The following SLC19A1 variants were observed in gnomAD, a reference collection of about 807,000 sequenced individuals.
The protein encoded by SLC19A1 is reduced folate transporter.
SLC19A1 carries 37 observed loss-of-function variants against 35.3 expected under a neutral mutation model. The ratio of observed to expected loss-of-function variants is 1.05; its 90% CI spans 0.81 to 1.38. The LOEUF (loss-of-function observed/expected upper bound fraction) is 1.38, where lower values mean the gene tolerates loss of function less well. Ranked by LOEUF, SLC19A1 falls within the 40% of genes most tolerant of loss-of-function variation. The pLI, the probability that SLC19A1 is intolerant of heterozygous loss-of-function variation, is 0.00. For missense variants in SLC19A1, 831 were observed against 826.9 expected (o/e 1.00, Z -0.06); for synonymous variants, 460 against 398.5 (o/e 1.15, Z -1.84).
chr21:45,555,224 CGGGGG>C (rs1194424128), intron 1 of SLC19A1, among the ~76,000 whole-genome samples: 3 of 5,754 alleles, frequency 5.2e-4, no homozygotes, highest in East Asian at 8.3e-3. Flanking sequence ...TGGGGGGCGC[CGGGGG>C]GCGGCGCAGG....
At position 45,506,286 on chromosome 21, in the gene SLC19A1, G is replaced by C. The variant is rs577107035; in HGVS notation, c.498-7674C>G. ...CCGATAATAAGACAAGGCGCCTGAC[G>C]GGACGAGGCGGCAGGGGGGCTCAGG... On this transcript the variant is annotated intron_variant, in intron 3 of 4. Transcript: ENST00000417954. The C allele has an allele frequency of 1.3e-5, 5 of 384,218 alleles. No homozygotes were observed. The East Asian group carries it at 2.5e-4, about 19-fold the overall frequency. 23.8% of individuals were successfully genotyped at this position (384,218 alleles called of 1,614,324 possible). A position where few individuals can be genotyped will look rare whatever the true frequency, so the allele number is the denominator to read the frequency against.
chr21:45,506,410 A>C, intron 3 of SLC19A1: 1 of 323,486 alleles, frequency 3.1e-6, no homozygotes, highest in Non-Finnish European at 6.1e-6. Context: ...GGTGGGATGA[A>C]ATGCATCCTC....
At chr21:45,526,679 C>T (rs2077631763) in intron 4 of SLC19A1, among the ~76,000 whole-genome samples, 3 of 152,250 alleles carry the variant, frequency 2.0e-5, no homozygotes, top group South Asian at 2.1e-4. Flanking sequence ...TCAAGCAATT[C>T]TCCTGTCTCA....
At position 45,514,258 on chromosome 21, in the gene SLC19A1, C is replaced by CCG. The variant is rs1555877842; in HGVS notation, c.*1399_*1400insCG. 1 of 43,494 alleles carries CCG rather than the reference C, an allele frequency of 2.3e-5. No individual in the cohort carries two copies. Among genetic ancestry groups the CCG allele is most frequent in the African/African-American group, 1.1e-4 (1 of 9,234 alleles). 2.7% of individuals were successfully genotyped at this position (43,494 alleles called of 1,614,324 possible). The stretch of plus-strand genomic sequence containing the variant: ...GAGCCCAGGAAATGGCTGGTGCAGA[C>CCG]CCCCCCCCAAGCAGGGTCCCCAGGG... On this transcript the variant is annotated 3_prime_UTR_variant, in exon 6 of 6. Coordinates refer to ENST00000311124, the MANE Select transcript of SLC19A1 (RefSeq NM_194255.4).
In SLC19A1 at chr21:45,517,408, G is replaced by A. The variant is rs1473444206; in HGVS notation, c.1294-1268C>T. 6.6e-6 allele frequency among the ~76,000 whole-genome samples: 1 copy of A among 151,810 alleles called. No individual in the cohort carries two copies. Among genetic ancestry groups the A allele is most frequent in the Non-Finnish European group, 1.5e-5 (1 of 67,962 alleles). On this transcript the variant is annotated intron_variant, in intron 5 of 5. Coordinates refer to ENST00000311124, the MANE Select transcript of SLC19A1 (RefSeq NM_194255.4). The surrounding 1 kb of genome is among the most constrained non-coding windows in gnomAD (Gnocchi z 4.4). Reference sequence around the variant, plus strand: ...ACAAGGACCCCCGAGTCCCCTGCGGGGTGGTGTCAGACAACACCAGTGGGC... The same window carrying A: ...ACAAGGACCCCCGAGTCCCCTGCGGAGTGGTGTCAGACAACACCAGTGGGC...
Position 45,533,901 on chromosome 21 carries a change from C to T in SLC19A1, c.190-1753G>A, listed in dbSNP as rs985225786. Among the ~76,000 whole-genome samples the T allele has an allele frequency of 3.9e-5, 6 of 152,042 alleles. No homozygotes were observed. Among genetic ancestry groups the T allele is most frequent in the Non-Finnish European group, 7.4e-5 (5 of 67,960 alleles). On this transcript the variant is annotated intron_variant, in intron 2 of 5. Transcript: ENST00000311124. The surrounding 1 kb of genome is among the most constrained non-coding windows in gnomAD (Gnocchi z 4.5). ...ACTGTGAACAGCTGGGCAATAGGACCCTGCAGCCAGGCCGGCATGCTGAGA... is the reference window on the plus strand; with the variant it reads ...ACTGTGAACAGCTGGGCAATAGGACTCTGCAGCCAGGCCGGCATGCTGAGA...
intron 1 of SLC19A1, among the ~76,000 whole-genome samples, chr21:45,549,699 A>G (rs1602940360): frequency 5.5e-4 from 19 of 34,296 alleles, no homozygotes; most frequent in South Asian, 2.2e-3. Context: ...GCAGGGGGAG[A>G]GGTGGTGGGT....
intron 5 of SLC19A1, among the ~76,000 whole-genome samples, chr21:45,525,182 C>T (rs921497830): frequency 1.3e-5 from 2 of 152,196 alleles, no homozygotes; most frequent in African/African-American, 4.8e-5. Context: ...GAGACCTGGG[C>T]CCCAGGTGGA....
downstream of SLC19A1, chr21:45,509,713 T>C: frequency 1.3e-6 from 1 of 754,892 alleles, no homozygotes; most frequent in South Asian, 1.5e-5. Context: ...CGGCCATGGG[T>C]GGGGGTCTGG....
chr21:45,540,293 C>T lies in SLC19A1; in HGVS notation c.-50+2075G>A, dbSNP rs2078263006. Among the ~76,000 whole-genome samples, 2 of 152,196 alleles carry T rather than the reference C, an allele frequency of 1.3e-5. No individual in the cohort carries two copies. The highest frequency in any genetic ancestry group is 1.3e-4 in the Admixed American group (2 of 15,286). ...CGCACCGATCCCCAGACAACCAGAG[C>T]AACCAGATCGCCGCAGACAACGGGG... On this transcript the variant is annotated intron_variant, in intron 1 of 5. Transcript: ENST00000311124. This position sits in a 1 kb window ranked among gnomAD's most constrained non-coding sequence, Gnocchi z 5.5.
chr21:45,561,750 G>T (rs1222925969), intron 1 of SLC19A1, among the ~76,000 whole-genome samples: 1 of 150,558 alleles, frequency 6.6e-6, no homozygotes, highest in Non-Finnish European at 1.5e-5. Flanking sequence ...GACACAGCGA[G>T]ACTCCATCTC....
downstream of SLC19A1, among the ~76,000 whole-genome samples, chr21:45,510,951 AACAC>A (rs2037547101): frequency 2.0e-5 from 2 of 98,866 alleles, no homozygotes; most frequent in African/African-American, 8.5e-5. Flanking sequence ...ACACACCCAC[AACAC>A]CCCACATACA....
rs187721798 is a variant in SLC19A1, at chr21:45,504,470, G to C, written c.498-5858C>G. 1,436 of 1,607,028 alleles carry C rather than the reference G, an allele frequency of 8.9e-4. 14 individuals are homozygous for C. The African/African-American group carries it at 0.017, about 19-fold the overall frequency. ...ACAGAAAGGCGAAAGGGGGGAGCCC[G>C]GGGGCGGCGGTTTCTTCGGCTCCAG... On this transcript the variant is annotated intron_variant, in intron 3 of 4. Coordinates refer to the SLC19A1 transcript ENST00000417954.
chr21:45,504,015 G>A, intron 3 of SLC19A1: 1 of 1,613,662 alleles, frequency 6.2e-7, no homozygotes, highest in South Asian at 1.1e-5. Context: ...TTGCAGGGCA[G>A]TTTCCGTTTG....
chr21:45,509,529 C>T (rs2037445783), downstream of SLC19A1: 2 of 1,537,146 alleles, frequency 1.3e-6, no homozygotes, highest in East Asian at 2.4e-5. Flanking sequence ...CGCACCACAG[C>T]TCCTACGTGC....
chr21:45,562,705 C>G (rs2078626521), intron 1 of SLC19A1, among the ~76,000 whole-genome samples: 1 of 152,222 alleles, frequency 6.6e-6, no homozygotes, highest in Non-Finnish European at 1.5e-5. Flanking sequence ...CCATAAACCA[C>G]AGGACGGAGT....
downstream of SLC19A1, among the ~76,000 whole-genome samples, chr21:45,510,580 T>C (rs2037522210): frequency 6.6e-6 from 1 of 152,102 alleles, no homozygotes; most frequent in African/African-American, 2.4e-5. Flanking sequence ...ACACAGGTGA[T>C]AGGGCTCACA....
At chr21:45,505,819 C>G in intron 3 of SLC19A1, 1 of 1,571,336 alleles carries the variant, frequency 6.4e-7, no homozygotes, top group East Asian at 2.2e-5. Flanking sequence ...CCCCACACCT[C>G]TGCATTTGGT....
chr21:45,562,849 C>A (rs532020482), exon 1 of SLC19A1, among the ~76,000 whole-genome samples: 2 of 152,264 alleles, frequency 1.3e-5, no homozygotes, highest in South Asian at 4.2e-4. Flanking sequence ...CATGGAAGAT[C>A]CTCCTCCAGT....
Sources: allele counts gnomAD v4.1 joint callset (sites outside exome capture counted in the v4.1 genomes callset), GRCh38; gene constraint gnomAD v4.1.1; non-coding constraint Gnocchi (gnomAD v3.1); transcripts MANE v1.5; gene names NCBI Gene and HGNC (gene_info 2026-07-23, HGNC 2026-07-21).